Variants in ACYP2 observed in about 807,000 individuals in gnomAD.
ACYP2 encodes acylphosphatase 2.
ACYP2 carries 12 observed loss-of-function variants against 11.2 expected under a neutral mutation model. That is an observed-to-expected ratio of 1.08 (90% CI 0.69 to 1.74). The LOEUF is 1.74. Ranked by LOEUF, ACYP2 falls within the 40% of genes most tolerant of loss-of-function variation. ACYP2 has a pLI of 0.00. For missense variants in ACYP2, 134 were observed against 101.9 expected (o/e 1.31, Z -1.35); for synonymous variants, 43 against 32.2 (o/e 1.33, Z -1.13).
chr2:54,300,830 G>A (rs931090778), intron 6 of ACYP2, among the ~76,000 whole-genome samples: 3 of 152,180 alleles, frequency 2.0e-5, no homozygotes, highest in African/African-American at 7.2e-5. Context: ...GTAGAAAAGT[G>A]CCTCTTTTCC....
chr2:54,013,459 C>T (rs954518903), intron 2 of ACYP2, among the ~76,000 whole-genome samples: 1 of 151,834 alleles, frequency 6.6e-6, no homozygotes, highest in Non-Finnish European at 1.5e-5. Flanking sequence ...CACTACCATG[C>T]CCAGCTAATT....
chr2:54,221,655 G>C (rs1685806946), intron 6 of ACYP2, among the ~76,000 whole-genome samples: 1 of 151,500 alleles, frequency 6.6e-6, no homozygotes, highest in Non-Finnish European at 1.5e-5. Context: ...TGAGTAGGTG[G>C]GATTACAGGT....
At chr2:54,084,095 T>C (rs1677814786) in intron 4 of ACYP2, among the ~76,000 whole-genome samples, 1 of 152,166 alleles carries the variant, frequency 6.6e-6, no homozygotes, top group South Asian at 2.1e-4. Context: ...TAACGTTTCT[T>C]CCATCTCTAA....
At chr2:54,045,911 C>T (rs1364223188) in intron 2 of ACYP2, among the ~76,000 whole-genome samples, 1 of 152,088 alleles carries the variant, frequency 6.6e-6, no homozygotes, top group African/African-American at 2.4e-5. Flanking sequence ...TGGCTCAGGC[C>T]TGTAATCCCA....
intron 2 of ACYP2, among the ~76,000 whole-genome samples, chr2:53,994,858 C>T (rs114747956): frequency 4.6e-5 from 7 of 152,262 alleles, no homozygotes; most frequent in Non-Finnish European, 8.8e-5. Flanking sequence ...ATTATAACTT[C>T]CCCCATCAAA....
At position 53,971,179 on chromosome 2, in the gene ACYP2, C is replaced by G. The variant is rs907101450; in HGVS notation, c.-179C>G. On this transcript the variant is annotated 5_prime_UTR_variant, in exon 1 of 7. Coordinates refer to ENST00000607452, the MANE Select transcript of ACYP2 (RefSeq NM_001320586.2). ...CGTGGGCCCGGCTCGGAGCCCCCAC[C>G]CCAGGCCTCACCGGCCCAGCGCGAG... 3.9e-5 allele frequency: 7 copies of G among 179,560 alleles called. No individual in the cohort carries two copies. The highest frequency in any genetic ancestry group is 2.2e-3 in the Middle Eastern group (1 of 456). The allele number at this position is 179,560 out of a possible 1,614,324, so 11.1% of individuals were successfully genotyped here. A position where few individuals can be genotyped will look rare whatever the true frequency, so the allele number is the denominator to read the frequency against.
At chr2:54,048,974 G>T (rs1460307268) in intron 2 of ACYP2, among the ~76,000 whole-genome samples, 1 of 152,116 alleles carries the variant, frequency 6.6e-6, no homozygotes, top group Non-Finnish European at 1.5e-5. Context: ...TCTGAGATAG[G>T]TTAGAAGTAA....
chr2:54,207,105 A>G (rs913051636), intron 6 of ACYP2, among the ~76,000 whole-genome samples: 6 of 150,412 alleles, frequency 4.0e-5, no homozygotes, highest in Admixed American at 6.6e-5. Flanking sequence ...AGATATCTAT[A>G]TATAGATATA....
At chr2:54,070,733 T>C in intron 4 of ACYP2, among the ~76,000 whole-genome samples, 1 of 96,274 alleles carries the variant, frequency 1.0e-5, no homozygotes, top group African/African-American at 4.8e-5. Context: ...AGCTATTCCA[T>C]TTTTTTTTTT....
chr2:54,049,529 G>T lies in ACYP2; in HGVS notation c.63-1429G>T, dbSNP rs62140989. ...TTAACTTTACATTCTTTTTGTGTTT[G>T]CTTATGCTTTAATGTAGGGTTTCTT... On this transcript the variant is annotated intron_variant, in intron 2 of 6. Coordinates refer to ENST00000607452, the MANE Select transcript of ACYP2 (RefSeq NM_001320586.2). 5.9e-3 allele frequency among the ~76,000 whole-genome samples: 893 copies of T among 152,118 alleles called. 3 individuals carry two copies. The highest frequency in any genetic ancestry group is 0.01 in the Middle Eastern group (3 of 294).
At chr2:54,200,949 A>G (rs1365087652) in intron 6 of ACYP2, among the ~76,000 whole-genome samples, 1 of 152,136 alleles carries the variant, frequency 6.6e-6, no homozygotes, top group Non-Finnish European at 1.5e-5. Flanking sequence ...TAACTATTCT[A>G]GAGTGGTAAG....
At chr2:54,183,531 CA>C (rs1301711013) in intron 6 of ACYP2, among the ~76,000 whole-genome samples, 59 of 127,424 alleles carry the variant, frequency 4.6e-4, no homozygotes, top group Admixed American at 4.8e-4. Flanking sequence ...GACCCGGTCT[CA>C]AAAAAAAAAA....
intron 6 of ACYP2, among the ~76,000 whole-genome samples, chr2:54,269,925 G>A (rs1470002524): frequency 6.6e-6 from 1 of 152,122 alleles, no homozygotes; most frequent in African/African-American, 2.4e-5. Context: ...ATAACAGTCT[G>A]TTGAGTTGAT....
chr2:54,202,260 C>T (rs1485965331), intron 6 of ACYP2, among the ~76,000 whole-genome samples: 1 of 151,588 alleles, frequency 6.6e-6, no homozygotes, highest in Non-Finnish European at 1.5e-5. Context: ...AGGTGCGTGT[C>T]ACCATGACCG....
chr2:54,151,254 A>C (rs1425577993), intron 6 of ACYP2, among the ~76,000 whole-genome samples: 1 of 152,182 alleles, frequency 6.6e-6, no homozygotes, highest in Non-Finnish European at 1.5e-5. Flanking sequence ...CAGTTGTGAC[A>C]ATGGTAAATT....
At chr2:54,256,024 C>A (rs537805712) in intron 6 of ACYP2, 2 of 1,614,154 alleles carry the variant, frequency 1.2e-6, no homozygotes, top group South Asian at 1.1e-5. Context: ...TGGCTCCAAG[C>A]GGCCATCAAA....
At chr2:54,141,869 G>GCT in intron 6 of ACYP2, 1 of 635,572 alleles carries the variant, frequency 1.6e-6, no homozygotes, top group Non-Finnish European at 2.9e-6. Context: ...CAAGGGTCTT[G>GCT]CTCTCTCTCC....
chr2:54,217,610 C>T (rs1466357058), intron 6 of ACYP2, among the ~76,000 whole-genome samples: 7 of 151,960 alleles, frequency 4.6e-5, no homozygotes, highest in African/African-American at 1.5e-4. Flanking sequence ...TGAGCTCAAG[C>T]GATCCCCCTG....
At chr2:54,078,411 C>CATATAT (rs56411409) in intron 4 of ACYP2, among the ~76,000 whole-genome samples, 78,723 of 143,966 alleles carry the variant, frequency 0.55, 21,170 homozygotes, top group East Asian at 0.65. Context: ...ATATGCGTAC[C>CATATAT]ATATATGGTA....
Sources: allele counts gnomAD v4.1 joint callset (sites outside exome capture counted in the v4.1 genomes callset), GRCh38; gene constraint gnomAD v4.1.1; transcripts MANE v1.5; gene names NCBI Gene and HGNC (gene_info 2026-07-23, HGNC 2026-07-21).